BAIAP2L1: variants seen among roughly 807,000 people sequenced by gnomAD.
The protein encoded by BAIAP2L1 is BAR/IMD domain containing adaptor protein 2 like 1.
A neutral mutation model predicts 66.3 loss-of-function variants in BAIAP2L1; 35 were observed. The observed-to-expected ratio is 0.53, with a 90% CI of 0.40 to 0.70. BAIAP2L1 has a LOEUF of 0.70. Ranked by LOEUF, BAIAP2L1 falls within the 30% of genes least tolerant of loss-of-function variation. The pLI, the probability that BAIAP2L1 is intolerant of heterozygous loss-of-function variation, is 0.00. For synonymous variants in BAIAP2L1, 269 were observed against 248.7 expected (o/e 1.08, Z -0.77); for missense variants, 622 against 656.9 (o/e 0.95, Z 0.58).
At chr7:98,337,856 T>C (rs1163880521) in intron 3 of BAIAP2L1, among the ~76,000 whole-genome samples, 1 of 152,116 alleles carries the variant, frequency 6.6e-6, no homozygotes, top group East Asian at 1.9e-4. Flanking sequence ...AGGTGGAGGT[T>C]GCAGTGAGCC....
intron 1 of BAIAP2L1, among the ~76,000 whole-genome samples, chr7:98,379,724 A>G (rs534316344): frequency 4.6e-4 from 69 of 148,806 alleles, no homozygotes; most frequent in Non-Finnish European, 9.0e-4. Context: ...ATTTAATAGA[A>G]TATTATTCAG....
Position 98,375,690 on chromosome 7 carries a change from G to A in BAIAP2L1, c.52-13258C>T, listed in dbSNP as rs191013854. 2.9e-4 allele frequency among the ~76,000 whole-genome samples: 44 copies of A among 149,744 alleles called. 1 individual carries two copies. In the South Asian group the frequency reaches 7.2e-3, roughly 24 times the overall value. On this transcript the variant is annotated intron_variant, in intron 1 of 13. Transcript: ENST00000005260. ...CTTGAATCTGGGAGGCGGAGGTTGC[G>A]GTGATCACACCCCCGCACTCCAGCC...
chr7:98,353,324 TATATATAA>T (rs150885218), intron 3 of BAIAP2L1, among the ~76,000 whole-genome samples: 2,935 of 140,834 alleles, frequency 0.021, 104 homozygotes, highest in African/African-American at 0.073. Flanking sequence ...CCCCCTAAAA[TATATATAA>T]ATATATAAAT....
At chr7:98,392,688 T>C (rs190234628) in intron 1 of BAIAP2L1, among the ~76,000 whole-genome samples, 8 of 152,056 alleles carry the variant, frequency 5.3e-5, no homozygotes, top group African/African-American at 1.9e-4. Context: ...ATCAAAATGA[T>C]AGAGCACAGA....
chr7:98,344,134 G>T (rs986772495), intron 3 of BAIAP2L1, among the ~76,000 whole-genome samples: 1 of 152,088 alleles, frequency 6.6e-6, no homozygotes, highest in African/African-American at 2.4e-5. Context: ...CTGAGATCGC[G>T]CCACTGGCAC....
intron 3 of BAIAP2L1, among the ~76,000 whole-genome samples, chr7:98,331,359 C>G (rs1264465218): frequency 6.6e-6 from 1 of 151,918 alleles, no homozygotes; most frequent in African/African-American, 2.4e-5. Context: ...CTGGCAGACA[C>G]CAAACCACAG....
chr7:98,367,237 G>A (rs556058676), intron 1 of BAIAP2L1, among the ~76,000 whole-genome samples: 21 of 152,142 alleles, frequency 1.4e-4, no homozygotes, highest in African/African-American at 4.6e-4. Flanking sequence ...TTCCTGCAAT[G>A]GTATCTTCTA....
In BAIAP2L1 at chr7:98,359,273, C is replaced by CTT. The variant is rs998408583; in HGVS notation, c.127+3082_127+3083dup. On this transcript the variant is annotated intron_variant, in intron 2 of 13. Coordinates refer to ENST00000005260, the MANE Select transcript of BAIAP2L1 (RefSeq NM_018842.5). ...CCCCAGGTCCTGGCTTACTTGCTGT[C>CTT]TTTTTTTTTTTTTTTTTTGAGACAG... Among the ~76,000 whole-genome samples, 81 of 139,270 alleles carry CTT rather than the reference C, an allele frequency of 5.8e-4. No individual in the cohort carries two copies. In the South Asian group the frequency reaches 0.011, roughly 19 times the overall value. 91.4% of individuals were successfully genotyped at this position (139,270 alleles called of 152,430 possible).
intron 1 of BAIAP2L1, among the ~76,000 whole-genome samples, chr7:98,396,040 T>G (rs1340699676): frequency 6.6e-6 from 1 of 152,194 alleles, no homozygotes; most frequent in African/African-American, 2.4e-5. Context: ...GATTTTTATT[T>G]TCTTCAACAT....
At chr7:98,352,313 CAG>C (rs551984603) in intron 3 of BAIAP2L1, among the ~76,000 whole-genome samples, 49 of 152,250 alleles carry the variant, frequency 3.2e-4, no homozygotes, top group African/African-American at 6.7e-4. Context: ...CTAAATAAAA[CAG>C]AAAGTTATTT....
chr7:98,293,613 A>G lies in BAIAP2L1; in HGVS notation c.1461-17T>C. The G allele has an allele frequency of 6.2e-7, 1 of 1,608,712 alleles. No individual in the cohort carries two copies. ...TTTTCTCCGCTGCAGGGGATAAGAA[A>G]AATCTTTCAGAACTTCTGCTCTACG... On this transcript the variant is annotated splice_polypyrimidine_tract_variant and intron_variant, in intron 13 of 13. Transcript: ENST00000005260.
intron 3 of BAIAP2L1, among the ~76,000 whole-genome samples, chr7:98,352,117 A>G (rs1208686339): frequency 6.6e-6 from 1 of 151,418 alleles, no homozygotes; most frequent in Non-Finnish European, 1.5e-5. Flanking sequence ...TGACTCTTCC[A>G]TACAGGGAAT....
rs569496184 is a variant in BAIAP2L1, at chr7:98,308,358, G to A, written c.956-462C>T. 4 of 447,438 alleles carry A rather than the reference G, an allele frequency of 8.9e-6. No individual in the cohort carries two copies. The East Asian group carries it at 2.1e-4, about 23-fold the overall frequency. 27.7% of individuals were successfully genotyped at this position (447,438 alleles called of 1,614,324 possible). ...AAATGCAGTTGGTCTTGCCATGCTG[G>A]CCGCTCAGCTTCTCACCCCCAGGCC... On this transcript the variant is annotated intron_variant, in intron 9 of 13. Transcript: ENST00000005260.
At position 98,339,915 on chromosome 7, in the gene BAIAP2L1, C is replaced by T. The variant is rs139759856; in HGVS notation, c.214+15127G>A. Among the ~76,000 whole-genome samples the T allele has an allele frequency of 3.3e-5, 5 of 152,326 alleles. No individual in the cohort carries two copies. The East Asian group carries it at 9.6e-4, about 29-fold the overall frequency. On this transcript the variant is annotated intron_variant, in intron 3 of 13. Coordinates refer to ENST00000005260, the MANE Select transcript of BAIAP2L1 (RefSeq NM_018842.5). ...GCCCCAGGTCCTTTGCGCCACCCCCCCTCGCCATGACAGGCCAATTATCCG... is the reference window on the plus strand; with the variant it reads ...GCCCCAGGTCCTTTGCGCCACCCCCTCTCGCCATGACAGGCCAATTATCCG...
rs1445842012 is a variant in BAIAP2L1, at chr7:98,292,694, A to C, written c.*827T>G. 2 of 1,551,658 alleles carry C rather than the reference A, an allele frequency of 1.3e-6. No homozygotes were observed. The highest frequency in any genetic ancestry group is 4.9e-5 in the East Asian group (2 of 40,922). On this transcript the variant is annotated 3_prime_UTR_variant, in exon 14 of 14. Transcript: ENST00000005260. ...TCCTTTGAGAGTCTGTACCTGATTCAAACACGGAGAAACCAGGACCCCGAG... is the reference window on the plus strand; with the variant it reads ...TCCTTTGAGAGTCTGTACCTGATTCCAACACGGAGAAACCAGGACCCCGAG...
At chr7:98,373,999 C>A (rs562643633) in intron 1 of BAIAP2L1, among the ~76,000 whole-genome samples, 15 of 152,308 alleles carry the variant, frequency 9.8e-5, no homozygotes, top group African/African-American at 3.4e-4. Flanking sequence ...GTTGCCCAGG[C>A]TGGAGTATAG....
intron 6 of BAIAP2L1, among the ~76,000 whole-genome samples, chr7:98,316,055 G>A (rs1801067771): frequency 6.6e-6 from 1 of 152,182 alleles, no homozygotes; most frequent in Non-Finnish European, 1.5e-5. Flanking sequence ...GGGACCTGGT[G>A]GGAGGTAATT....
Position 98,294,125 on chromosome 7 carries a change from A to C in BAIAP2L1, c.1423-14T>G. 5 of 1,613,136 alleles carry C rather than the reference A, an allele frequency of 3.1e-6. No homozygotes were observed. The highest frequency in any genetic ancestry group is 4.2e-6 in the Non-Finnish European group (5 of 1,179,114). On this transcript the variant is annotated splice_polypyrimidine_tract_variant and intron_variant, in intron 12 of 13. Coordinates refer to ENST00000005260, the MANE Select transcript of BAIAP2L1 (RefSeq NM_018842.5). ...GTTGGCATCGTTCTGTGAGAAAGAT[A>C]AAGAAGTTTATGGAGGGCTTAGAAT...
intron 3 of BAIAP2L1, among the ~76,000 whole-genome samples, chr7:98,327,324 G>A (rs893263435): frequency 2.0e-5 from 3 of 151,538 alleles, no homozygotes; most frequent in Non-Finnish European, 4.4e-5. Context: ...TCATGCCACT[G>A]CACTCCAGCC....
Sources: gnomAD v4.1 joint callset for allele counts (sites outside exome capture counted in the v4.1 genomes callset) on GRCh38, gnomAD v4.1.1 for gene constraint, MANE v1.5 for transcripts, NCBI Gene and HGNC (gene_info 2026-07-23, HGNC 2026-07-21) for gene names.